Variants in RBFOX1 observed in about 807,000 individuals in gnomAD.
RBFOX1 encodes the protein RNA binding fox-1 homolog 1.
In RBFOX1, 8 loss-of-function variants were observed where a neutral mutation model predicts 57.7. The ratio of observed to expected loss-of-function variants is 0.14; its 90% CI spans 0.08 to 0.25. The LOEUF is 0.25. Ranked by LOEUF, RBFOX1 falls within the 10% of genes least tolerant of loss-of-function variation. RBFOX1 has a pLI of 1.00. For synonymous variants in RBFOX1, 326 were observed against 222.4 expected (o/e 1.47, Z -4.15); for missense variants, 611 against 548.5 (o/e 1.11, Z -1.14).
intron 4 of RBFOX1, among the ~76,000 whole-genome samples, chr16:5,954,234 T>C (rs13335251): frequency 0.78 from 118,360 of 151,902 alleles, 46,380 homozygotes; most frequent in African/African-American, 0.85. Context: ...GTCTCATGGA[T>C]GGAGGGGCTT....
At chr16:6,695,413 C>CAAAAAAAAAAAA (rs71145278) in intron 3 of RBFOX1, among the ~76,000 whole-genome samples, 1 of 109,106 alleles carries the variant, frequency 9.2e-6, no homozygotes, top group African/African-American at 3.9e-5. Context: ...GAAACTCTGT[C>CAAAAAAAAAAAA]AAAAAAAAAA....
At chr16:7,625,362 G>A (rs1382048514) in intron 10 of RBFOX1, among the ~76,000 whole-genome samples, 1 of 151,976 alleles carries the variant, frequency 6.6e-6, no homozygotes, top group African/African-American at 2.4e-5. Flanking sequence ...GAGATGGTTT[G>A]GGGGTGGTTT....
intron 3 of RBFOX1, among the ~76,000 whole-genome samples, chr16:7,034,013 G>A (rs751603298): frequency 1.2e-4 from 18 of 152,192 alleles, no homozygotes; most frequent in Non-Finnish European, 2.2e-4. Flanking sequence ...TCAATACTTA[G>A]TGAATACTTG....
chr16:6,915,056 G>T lies in RBFOX1; in HGVS notation c.-15-137001G>T, dbSNP rs1356605969. Among the ~76,000 whole-genome samples the T allele has an allele frequency of 2.6e-5, 4 of 152,222 alleles. No homozygotes were observed. The East Asian group carries it at 7.7e-4, about 29-fold the overall frequency. Reference sequence around the variant, plus strand: ...TGCTCATCCGTAGATGAAGGATGCAGAACATTCCTCAGTTGACTAATGTGT... The same window carrying T: ...TGCTCATCCGTAGATGAAGGATGCATAACATTCCTCAGTTGACTAATGTGT... On this transcript the variant is annotated intron_variant, in intron 3 of 15. Coordinates refer to ENST00000550418, the MANE Select transcript of RBFOX1 (RefSeq NM_018723.4).
intron 4 of RBFOX1, among the ~76,000 whole-genome samples, chr16:7,248,878 A>G (rs562336456): frequency 4.7e-4 from 72 of 152,332 alleles, no homozygotes; most frequent in Non-Finnish European, 8.8e-4. Flanking sequence ...ACCTATATAC[A>G]TAACAAGGCA....
At chr16:6,987,090 G>T (rs2090455385) in intron 3 of RBFOX1, among the ~76,000 whole-genome samples, 1 of 152,090 alleles carries the variant, frequency 6.6e-6, no homozygotes, top group Non-Finnish European at 1.5e-5. Flanking sequence ...CGATCTATTA[G>T]CAGCTTCCAT....
chr16:5,884,037 C>T (rs1446618729), intron 4 of RBFOX1, among the ~76,000 whole-genome samples: 1 of 152,154 alleles, frequency 6.6e-6, no homozygotes, highest in Non-Finnish European at 1.5e-5. Flanking sequence ...TGTACCACTT[C>T]TCAACATTTC....
At chr16:5,923,388 T>C (rs1347979728) in intron 4 of RBFOX1, among the ~76,000 whole-genome samples, 2 of 151,150 alleles carry the variant, frequency 1.3e-5, no homozygotes, top group African/African-American at 4.9e-5. Context: ...AAGGTGGAGG[T>C]TGAATAATGA....
intron 3 of RBFOX1, among the ~76,000 whole-genome samples, chr16:7,025,547 C>T (rs1049768190): frequency 2.6e-5 from 4 of 152,136 alleles, no homozygotes; most frequent in African/African-American, 9.7e-5. Flanking sequence ...TCTGACAAAA[C>T]CGGATCCCAA....
intron 3 of RBFOX1, among the ~76,000 whole-genome samples, chr16:6,861,616 C>G (rs1021284453): frequency 3.9e-5 from 6 of 151,902 alleles, no homozygotes. Context: ...TAAACAGCCT[C>G]TACATTGGGT....
At chr16:6,483,138 G>C in intron 2 of RBFOX1, 1 of 1,056,406 alleles carries the variant, frequency 9.5e-7, no homozygotes, top group Non-Finnish European at 1.1e-6. Context: ...TCCCCCAGCT[G>C]CAAGAGTTTG....
Position 7,058,006 on chromosome 16 carries a change from G to GAAA in RBFOX1, c.27+5922_27+5924dup, listed in dbSNP as rs61023664. 8.8e-3 allele frequency among the ~76,000 whole-genome samples: 1,207 copies of GAAA among 136,646 alleles called. 23 individuals are homozygous for GAAA. The highest frequency in any genetic ancestry group is 0.028 in the African/African-American group (1,003 of 36,416). The allele number at this position is 136,646 out of a possible 152,430, so 89.6% of individuals were successfully genotyped here. A position where few individuals can be genotyped will look rare whatever the true frequency, so the allele number is the denominator to read the frequency against. On this transcript the variant is annotated intron_variant, in intron 4 of 15. Transcript: ENST00000550418. ...CTGGTCGACAGAGGGAGACTGTGGG[G>GAAA]AAAAAAAAAAAAAAAACACGAAAAC...
At chr16:7,087,464 T>C (rs1463134654) in intron 4 of RBFOX1, among the ~76,000 whole-genome samples, 1 of 151,978 alleles carries the variant, frequency 6.6e-6, no homozygotes, top group East Asian at 1.9e-4. Context: ...AGTGTCTGGA[T>C]TTGCTCATTA....
At chr16:5,276,516 G>A (rs1229006911) in intron 1 of RBFOX1, among the ~76,000 whole-genome samples, 1 of 152,202 alleles carries the variant, frequency 6.6e-6, no homozygotes, top group African/African-American at 2.4e-5. Context: ...CAGGCGCCGT[G>A]GCTGACGCGT....
At chr16:5,791,403 A>G (rs1597269574) in intron 3 of RBFOX1, among the ~76,000 whole-genome samples, 1 of 152,178 alleles carries the variant, frequency 6.6e-6, no homozygotes, top group South Asian at 2.1e-4. Flanking sequence ...TTTACATGCA[A>G]TCGCTTTTTA....
intron 4 of RBFOX1, among the ~76,000 whole-genome samples, chr16:7,322,886 C>T: frequency 6.6e-6 from 1 of 152,132 alleles, no homozygotes. Flanking sequence ...TCCTGGTGTT[C>T]CCTGGTGATT....
At chr16:7,527,632 G>A (rs992957508) in intron 5 of RBFOX1, among the ~76,000 whole-genome samples, 2 of 152,144 alleles carry the variant, frequency 1.3e-5, no homozygotes, top group Non-Finnish European at 2.9e-5. Context: ...GACCCAGAGT[G>A]GGACCATAGG....
intron 3 of RBFOX1, among the ~76,000 whole-genome samples, chr16:6,807,912 G>GTATA (rs1272011957): frequency 2.1e-4 from 28 of 134,700 alleles, no homozygotes; most frequent in African/African-American, 7.4e-4. Flanking sequence ...GTGTGTGTGT[G>GTATA]TGTATATATA....
At chr16:7,225,733 A>C (rs1194319858) in intron 4 of RBFOX1, among the ~76,000 whole-genome samples, 1 of 120,426 alleles carries the variant, frequency 8.3e-6, no homozygotes, top group Admixed American at 1.1e-4. Flanking sequence ...TGTACTTTAA[A>C]AATGTGAATG....
Sources: allele counts gnomAD v4.1 joint callset (sites outside exome capture counted in the v4.1 genomes callset), GRCh38; gene constraint gnomAD v4.1.1; transcripts MANE v1.5; gene names NCBI Gene and HGNC (gene_info 2026-07-23, HGNC 2026-07-21).